Variants in SCD5 observed in about 807,000 individuals in gnomAD.
SCD5 encodes the protein acyl-CoA-desaturase 4.
SCD5 carries 20 observed loss-of-function variants against 30.4 expected under a neutral mutation model. That is an observed-to-expected ratio of 0.66 (90% confidence interval 0.46 to 0.96). The LOEUF is 0.96. SCD5 is among the 40% of genes least tolerant of loss of function. The probability of loss-of-function intolerance (pLI) is 0.00; values close to 1 mark genes in which losing one functional copy is unlikely to be tolerated. For missense variants in SCD5, 381 were observed against 443.3 expected (o/e 0.86, Z 1.26); for synonymous variants, 173 against 176.4 (o/e 0.98, Z 0.16).
At chr4:82,700,555 T>C (rs947942643) in intron 2 of SCD5, among the ~76,000 whole-genome samples, 2 of 151,496 alleles carry the variant, frequency 1.3e-5, no homozygotes, top group African/African-American at 4.8e-5. Context: ...TATTTAAGTG[T>C]TGAAAGAGAA....
In SCD5 at chr4:82,737,255, G is replaced by A. The variant is rs1720771230; in HGVS notation, c.233-31842C>T. 2.0e-5 allele frequency among the ~76,000 whole-genome samples: 3 copies of A among 152,146 alleles called. No homozygotes were observed. The South Asian group carries it at 6.2e-4, about 32-fold the overall frequency. ...TTAACTTCTTATAATTACTAAGGAG[G>A]CTGAGTCCTCTTCCAAGGATTTGTT... On this transcript the variant is annotated intron_variant, in intron 1 of 4. Coordinates refer to ENST00000319540, the MANE Select transcript of SCD5 (RefSeq NM_001037582.3).
chr4:82,718,268 G>C (rs1720275170), intron 1 of SCD5, among the ~76,000 whole-genome samples: 1 of 151,750 alleles, frequency 6.6e-6, no homozygotes, highest in South Asian at 2.1e-4. Flanking sequence ...ACATTCTATG[G>C]AGAGAGGCCC....
intron 1 of SCD5, among the ~76,000 whole-genome samples, chr4:82,751,273 G>A (rs1035701245): frequency 1.3e-5 from 2 of 152,048 alleles, no homozygotes; most frequent in African/African-American, 4.8e-5. Flanking sequence ...ATAGCTCACT[G>A]CAGCCTCTAA....
intron 1 of SCD5, among the ~76,000 whole-genome samples, chr4:82,783,136 C>T (rs540513783): frequency 5.3e-5 from 8 of 152,280 alleles, no homozygotes; most frequent in Admixed American, 2.0e-4. Flanking sequence ...CAGATGACTC[C>T]GATGCAGACG....
intron 2 of SCD5, among the ~76,000 whole-genome samples, chr4:82,699,590 C>T (rs144928906): frequency 0.032 from 4,029 of 124,258 alleles, 222 homozygotes; most frequent in African/African-American, 0.11. Context: ...TTTTTTGAGA[C>T]AGTTTCAGCC....
intron 1 of SCD5, among the ~76,000 whole-genome samples, chr4:82,788,544 T>A (rs1477986820): frequency 6.6e-6 from 1 of 152,134 alleles, no homozygotes; most frequent in Non-Finnish European, 1.5e-5. Flanking sequence ...GTGTTCACGA[T>A]CACTCCCAGC....
At chr4:82,728,220 T>C (rs892750539) in intron 1 of SCD5, among the ~76,000 whole-genome samples, 1 of 152,214 alleles carries the variant, frequency 6.6e-6, no homozygotes, top group African/African-American at 2.4e-5. Context: ...AATTCTGACA[T>C]AGCTGATTCC....
At chr4:82,778,248 G>T (rs1453476795) in intron 1 of SCD5, among the ~76,000 whole-genome samples, 1 of 152,162 alleles carries the variant, frequency 6.6e-6, no homozygotes, top group Non-Finnish European at 1.5e-5. Context: ...GGAACTTAGA[G>T]GACAAGTCAA....
chr4:82,789,820 C>T (rs887797061), intron 1 of SCD5, among the ~76,000 whole-genome samples: 4 of 152,110 alleles, frequency 2.6e-5, no homozygotes, highest in African/African-American at 9.7e-5. Flanking sequence ...GGAATGGGAA[C>T]AACCCCCTCT....
intron 1 of SCD5, chr4:82,753,508 A>G (rs1578053317): frequency 2.2e-6 from 1 of 457,466 alleles, no homozygotes; most frequent in East Asian, 7.0e-5. Flanking sequence ...CACATCTGCC[A>G]GGAGTGTGGC....
chr4:82,709,725 T>C (rs1339470652), intron 1 of SCD5, among the ~76,000 whole-genome samples: 1 of 152,200 alleles, frequency 6.6e-6, no homozygotes, highest in African/African-American at 2.4e-5. Context: ...CCCAAAAGAA[T>C]TGAGAGCAGT....
intron 3 of SCD5, among the ~76,000 whole-genome samples, chr4:82,653,725 T>TATAG (rs1320243019): frequency 2.1e-4 from 31 of 148,542 alleles, no homozygotes; most frequent in African/African-American, 7.3e-4. Context: ...GATAGATAGA[T>TATAG]ATAGATAGAT....
At chr4:82,785,034 T>G (rs1721957006) in intron 1 of SCD5, among the ~76,000 whole-genome samples, 1 of 152,218 alleles carries the variant, frequency 6.6e-6, no homozygotes, top group African/African-American at 2.4e-5. Context: ...CTCTAATAGC[T>G]GTGACTTCTT....
At chr4:82,744,097 A>T (rs1720936914) in intron 1 of SCD5, among the ~76,000 whole-genome samples, 1 of 152,192 alleles carries the variant, frequency 6.6e-6, no homozygotes, top group Non-Finnish European at 1.5e-5. Flanking sequence ...AATTGCTGGG[A>T]TTACAGGTGT....
chr4:82,738,359 T>C (rs546950910), intron 1 of SCD5, among the ~76,000 whole-genome samples: 1 of 152,196 alleles, frequency 6.6e-6, no homozygotes, highest in Non-Finnish European at 1.5e-5. Flanking sequence ...GAGGCAGACG[T>C]TGCAGTGAGC....
intron 1 of SCD5, among the ~76,000 whole-genome samples, chr4:82,747,013 ACAGG>A (rs1410233311): frequency 1.3e-5 from 2 of 148,772 alleles, no homozygotes; most frequent in East Asian, 3.9e-4. Context: ...GTGGAATGAC[ACAGG>A]CACCAAGGGG....
At chr4:82,716,841 A>G (rs1341952038) in intron 1 of SCD5, among the ~76,000 whole-genome samples, 2 of 151,722 alleles carry the variant, frequency 1.3e-5, no homozygotes, top group African/African-American at 2.4e-5. Context: ...AAGAAAGAAA[A>G]TACTTGAGGA....
chr4:82,679,224 G>GAA (rs1397293194), intron 3 of SCD5, among the ~76,000 whole-genome samples: 28 of 67,062 alleles, frequency 4.2e-4, no homozygotes, highest in African/African-American at 1.4e-3. Context: ...AGAAAGAAAA[G>GAA]AAAGAAAGAA....
chr4:82,664,451 G>T lies in SCD5; in HGVS notation c.569+16256C>A, dbSNP rs867604023. ...GTCACACAAAAGTGCAAGGGGGGGG[G>T]AACAAAAATCATTGTCCAGAGATAA... On this transcript the variant is annotated intron_variant, in intron 3 of 4. Coordinates refer to ENST00000319540, the MANE Select transcript of SCD5 (RefSeq NM_001037582.3). Among the ~76,000 whole-genome samples the T allele has an allele frequency of 2.0e-5, 3 of 149,486 alleles. No individual in the cohort carries two copies. In the South Asian group the frequency reaches 6.4e-4, roughly 32 times the overall value.
Sources: gnomAD v4.1 joint callset for allele counts (sites outside exome capture counted in the v4.1 genomes callset) on GRCh38, gnomAD v4.1.1 for gene constraint, MANE v1.5 for transcripts, NCBI Gene and HGNC (gene_info 2026-07-23, HGNC 2026-07-21) for gene names.